TSPAN10: variants seen among roughly 807,000 people sequenced by gnomAD.
TSPAN10 encodes the protein tetraspanin-10.
In TSPAN10, 11 loss-of-function variants were observed where a neutral mutation model predicts 15.0. That is an observed-to-expected ratio of 0.73 (90% CI 0.46 to 1.21). The LOEUF (loss-of-function observed/expected upper bound fraction) is 1.21. TSPAN10 is among the 50% of genes most tolerant of loss of function. The pLI, the probability that TSPAN10 is intolerant of heterozygous loss-of-function variation, is 0.00. For synonymous variants in TSPAN10, 241 were observed against 226.2 expected (o/e 1.07, Z -0.59); for missense variants, 486 against 470.6 (o/e 1.03, Z -0.30).
rs1640736727 is a variant in TSPAN10 at position 81,642,463 on chromosome 17, G to C, written c.36+15G>C. On this transcript the variant is annotated intron_variant, in intron 1 of 2. Coordinates refer to ENST00000611590, the Ensembl canonical transcript of TSPAN10. Reference sequence around the variant, plus strand: ...TACTGTCCCAGGTGAGCCATGCCAAGTGGCCTTGCCCTGAGGTTGGAGATG... The same window carrying C: ...TACTGTCCCAGGTGAGCCATGCCAACTGGCCTTGCCCTGAGGTTGGAGATG... 1.2e-6 allele frequency: 2 copies of C among 1,603,684 alleles called. No homozygotes were observed. The highest frequency in any genetic ancestry group is 2.2e-5 in the East Asian group (1 of 44,722).
downstream of TSPAN10, chr17:81,648,317 C>G: frequency 8.3e-7 from 1 of 1,203,544 alleles, no homozygotes; most frequent in Non-Finnish European, 1.0e-6. Context: ...AGGTCCGAGA[C>G]CGCCACGCAC....
At position 81,645,592 on chromosome 17, in the gene TSPAN10, T is replaced by C. The variant is rs374985316; in HGVS notation, c.637T>C (p.Cys213Arg). ...CCAAGTCCAGCTCGGGCTGAGGTGCTGCGGAGCTGCCTCCTACCAGGACTG... is the reference window on the plus strand; with the variant it reads ...CCAAGTCCAGCTCGGGCTGAGGTGCCGCGGAGCTGCCTCCTACCAGGACTG... Residue 213 changes from cysteine (C) to arginine (R), a missense_variant, in exon 2 of 3, where the codon TGC becomes CGC. Cys to Arg is a radical substitution (Grantham distance 180). Transcript: ENST00000611590. 2.4e-5 allele frequency: 38 copies of C among 1,612,588 alleles called. No homozygotes were observed. Among genetic ancestry groups the C allele is most frequent in the African/African-American group, 4.0e-5 (3 of 74,918 alleles).
At chr17:81,645,295 G>T (rs1028505575) in exon 2 of TSPAN10, 2 of 1,538,898 alleles carry the variant, frequency 1.3e-6, no homozygotes, top group Admixed American at 2.1e-5. Context: ...TGATCTGGGG[G>T]GGCCCCTGCC....
chr17:81,644,000 C>T (rs1393790217), intron 1 of TSPAN10, among the ~76,000 whole-genome samples: 41 of 149,512 alleles, frequency 2.7e-4, no homozygotes, highest in African/African-American at 9.1e-4. Flanking sequence ...CCACCACGCC[C>T]GGCTAATTTT....
rs1220573644 is a variant in TSPAN10 at position 81,647,954 on chromosome 17, G to A, written c.728G>A (p.Cys243Tyr). 2.5e-6 allele frequency: 4 copies of A among 1,610,142 alleles called. No homozygotes were observed. The East Asian group carries it at 8.9e-5, about 36-fold the overall frequency. ...CAGGCCTGCAGCCTTCCCGCCTCCTGCTGCATCGACCCCCGCGAAGATGGA... is the reference window on the plus strand; with the variant it reads ...CAGGCCTGCAGCCTTCCCGCCTCCTACTGCATCGACCCCCGCGAAGATGGA... Residue 243 changes from cysteine (C) to tyrosine (Y), a missense_variant, in exon 3 of 3, where the codon TGC becomes TAC. Cys to Tyr is a radical substitution (Grantham distance 194). Coordinates refer to ENST00000611590, the Ensembl canonical transcript of TSPAN10.
At chr17:81,637,601 C>G (rs975959939), upstream of TSPAN10, 1 of 519,588 alleles carries the variant, frequency 1.9e-6, no homozygotes, top group Non-Finnish European at 3.5e-6. Flanking sequence ...AAGTTCGAGA[C>G]CAGCCTGGCC....
downstream of TSPAN10, chr17:81,648,529 G>A (rs1281531048): frequency 5.9e-6 from 2 of 336,602 alleles, no homozygotes; most frequent in Non-Finnish European, 1.0e-5. Flanking sequence ...ACGCGGGGCC[G>A]GAGGAAATCC....
At chr17:81,641,015 A>G (rs2036173204), upstream of TSPAN10, among the ~76,000 whole-genome samples, 1 of 152,038 alleles carries the variant, frequency 6.6e-6, no homozygotes, top group Admixed American at 6.6e-5. Context: ...TCTACTAAAA[A>G]TACAAAATCA....
chr17:81,641,785 G>A (rs2036180228), upstream of TSPAN10, among the ~76,000 whole-genome samples: 1 of 152,014 alleles, frequency 6.6e-6, no homozygotes, highest in Non-Finnish European at 1.5e-5. Context: ...AGGCAAGGTG[G>A]CGTACATCTG....
upstream of TSPAN10, among the ~76,000 whole-genome samples, chr17:81,641,531 G>A (rs79477135): frequency 2.0e-4 from 30 of 151,950 alleles, no homozygotes; most frequent in East Asian, 9.7e-4. Context: ...CCACCCAGGC[G>A]TCTCACGCGC....
At chr17:81,637,200 C>T (rs2036110743) in exon 1 of TSPAN10, 1 of 466,994 alleles carries the variant, frequency 2.1e-6, no homozygotes, top group South Asian at 3.5e-5. Flanking sequence ...TGACCCGCCC[C>T]CGCCATCCCT....
exon 2 of TSPAN10, chr17:81,645,029 C>T (rs1423596854): frequency 4.4e-6 from 7 of 1,596,992 alleles, no homozygotes; most frequent in Non-Finnish European, 6.0e-6. Flanking sequence ...GTGCACAGGC[C>T]ACCCACCTCA....
rs1205894690 is a variant in TSPAN10, at chr17:81,643,345, C to T, written c.36+897C>T. 1.8e-4 allele frequency among the ~76,000 whole-genome samples: 7 copies of T among 38,960 alleles called. 1 individual carries two copies. Among genetic ancestry groups the T allele is most frequent in the Non-Finnish European group, 2.4e-4 (6 of 24,918 alleles). 25.6% of individuals were successfully genotyped at this position (38,960 alleles called of 152,430 possible). A position where few individuals can be genotyped will look rare whatever the true frequency, so the allele number is the denominator to read the frequency against. ...TTACCGGGACGGCCGGGCGCGGTGGCTCACGCCTGTAATCCCAGCACTTTG... is the reference window on the plus strand; with the variant it reads ...TTACCGGGACGGCCGGGCGCGGTGGTTCACGCCTGTAATCCCAGCACTTTG... On this transcript the variant is annotated intron_variant, in intron 1 of 2. Coordinates refer to ENST00000611590, the Ensembl canonical transcript of TSPAN10.
chr17:81,637,355 A>G (rs572030887), exon 1 of TSPAN10: 2 of 697,782 alleles, frequency 2.9e-6, no homozygotes, highest in Non-Finnish European at 5.2e-6. Context: ...GCTGCGTATT[A>G]TAGCGTATTA....
chr17:81,639,037 A>C (rs2036151479), upstream of TSPAN10: 2 of 152,050 alleles, frequency 1.3e-5, no homozygotes, highest in Admixed American at 1.3e-4. Flanking sequence ...GCGCCTCCCG[A>C]AGTTATTTCA....
intron 2 of TSPAN10, 99 bp downstream of exon 3, chr17:81,645,728 T>C: frequency 1.4e-6 from 2 of 1,456,970 alleles, no homozygotes; most frequent in Non-Finnish European, 1.9e-6. Context: ...TACATACTCA[T>C]TCGTGCATGC....
At chr17:81,644,879 C>T (rs1213081347) in intron 1 of TSPAN10, 113 bp from the exon 3 acceptor site, 81 of 1,452,708 alleles carry the variant, frequency 5.6e-5, no homozygotes, top group Middle Eastern at 2.4e-4. Context: ...CTCCGCCATC[C>T]GGCATCCTCC....
At chr17:81,637,448 C>A, upstream of TSPAN10, 1 of 636,862 alleles carries the variant, frequency 1.6e-6, no homozygotes, top group Non-Finnish European at 2.7e-6. Context: ...ATCACACCTT[C>A]ATGTTTTTTT....
At chr17:81,644,916 C>T (rs1383447747) in intron 1 of TSPAN10, 76 bp from the exon 3 acceptor site, 7 of 1,578,044 alleles carry the variant, frequency 4.4e-6, no homozygotes, top group Non-Finnish European at 6.0e-6. Flanking sequence ...TGCCACCATG[C>T]TCTTCCCTGA....
Sources: allele counts gnomAD v4.1 joint callset (sites outside exome capture counted in the v4.1 genomes callset), GRCh38; gene constraint gnomAD v4.1.1; transcripts MANE v1.5; gene names NCBI Gene and HGNC (gene_info 2026-07-23, HGNC 2026-07-21).